Variants in IKBKB observed in about 807,000 individuals in gnomAD.
The protein encoded by IKBKB is inhibitor of nuclear factor kappa B kinase subunit beta.
Under a neutral mutation model 113.6 loss-of-function variants are expected in IKBKB, and 42 were observed. The observed-to-expected ratio is 0.37, with a 90% confidence interval of 0.29 to 0.48. IKBKB has a LOEUF of 0.48. Among genes scored for constraint, IKBKB ranks in the 20% least tolerant of loss-of-function variants. The pLI is 0.99. For missense variants in IKBKB, 673 were observed against 939.7 expected (o/e 0.72, Z 3.71); for synonymous variants, 296 against 361.3 (o/e 0.82, Z 2.05).
At chr8:42,325,126 A>C in intron 19 of IKBKB, 3 of 644,930 alleles carry the variant, frequency 4.7e-6, no homozygotes, top group Non-Finnish European at 3.9e-6. Context: ...CATGCAGGGC[A>C]GAGATCAGCA....
rs200048037 is a variant in IKBKB at position 42,290,202 on chromosome 8, A to G, written c.247A>G (p.Met83Val). The change falls in exon 4 of 22, where the codon ATG (methionine) becomes GTG (valine). Residue 83 changes from methionine (M) to valine (V), a missense_variant. By Grantham distance (21) the Met-to-Val change is conservative. Coordinates refer to ENST00000520810, the MANE Select transcript of IKBKB (RefSeq NM_001556.3). ...VVAARDVPEG[M>V]QNLAPNDLPL... ...GGCTGCCCGAGATGTCCCTGAGGGG[A>G]TGCAGAACTTGGCGCCCAATGACCT... 89 of 1,613,798 alleles carry G rather than the reference A, an allele frequency of 5.5e-5. No individual in the cohort carries two copies. The East Asian group carries it at 1.9e-3, about 34-fold the overall frequency.
intron 21 of IKBKB, chr8:42,329,423 A>G (rs559497902): frequency 2.1e-6 from 2 of 938,484 alleles, no homozygotes; most frequent in African/African-American, 1.8e-5. Flanking sequence ...CCCGGGTTCA[A>G]GTGATTCTCA....
At chr8:42,305,572 GACTTTTTGTTTTCCATTTGCTTT>G (rs1816343914) in intron 6 of IKBKB, among the ~76,000 whole-genome samples, 1 of 150,346 alleles carries the variant, frequency 6.7e-6, no homozygotes, top group African/African-American at 2.5e-5. Context: ...CTTGGAAGTC[GACTTTTTGTTTTCCATTTGCTTT>G]AAGAGCCTCG....
At chr8:42,322,619 C>G in intron 19 of IKBKB, 125 bp downstream of exon 19, 2 of 946,726 alleles carry the variant, frequency 2.1e-6, no homozygotes, top group Non-Finnish European at 3.2e-6. Flanking sequence ...AGCTGCTGCT[C>G]GGGCTTCACG....
chr8:42,293,542 G>A (rs1198988956), intron 5 of IKBKB, 30 bp downstream of exon 5: 1 of 1,614,110 alleles, frequency 6.2e-7, no homozygotes, highest in Admixed American at 1.7e-5. Flanking sequence ...TTCAGGCCGT[G>A]TCCTTCAGGG....
In IKBKB at chr8:42,274,795, C is replaced by G. The variant is rs866294721; in HGVS notation, c.105+2590C>G. Among the ~76,000 whole-genome samples the G allele has an allele frequency of 5.6e-4, 48 of 85,072 alleles. 9 individuals carry two copies. The East Asian group carries it at 8.2e-3, about 14-fold the overall frequency. 55.8% of individuals were successfully genotyped at this position (85,072 alleles called of 152,430 possible). On this transcript the variant is annotated intron_variant, in intron 2 of 21. Coordinates refer to ENST00000520810, the MANE Select transcript of IKBKB (RefSeq NM_001556.3). Reference sequence around the variant, plus strand: ...TGATCCCCGCCGGCGCGCCCCCCCCCCCCCCCGCCATCCCAGCCTCCCAAA... The same window carrying G: ...TGATCCCCGCCGGCGCGCCCCCCCCGCCCCCCGCCATCCCAGCCTCCCAAA...
At chr8:42,317,151 A>C (rs979917743) in intron 11 of IKBKB, 1 of 558,230 alleles carries the variant, frequency 1.8e-6, no homozygotes, top group African/African-American at 1.9e-5. Context: ...ATTGCAAAAA[A>C]TGATGCTATA....
At chr8:42,324,124 CAG>C (rs1347514432) in intron 19 of IKBKB, among the ~76,000 whole-genome samples, 1 of 152,192 alleles carries the variant, frequency 6.6e-6, no homozygotes, top group Non-Finnish European at 1.5e-5. Context: ...TGTTCCAGGA[CAG>C]AGACACTGCT....
intron 9 of IKBKB, among the ~76,000 whole-genome samples, chr8:42,314,969 C>T (rs1373471746): frequency 6.6e-6 from 1 of 152,110 alleles, no homozygotes; most frequent in Non-Finnish European, 1.5e-5. Flanking sequence ...TTTATCTATA[C>T]CTCTTATTAC....
intron 6 of IKBKB, 33 bp from the exon 7 acceptor site, chr8:42,306,310 T>C (rs200517732): frequency 3.7e-6 from 5 of 1,335,902 alleles, no homozygotes; most frequent in South Asian, 1.2e-5. Context: ...TGTGTTCTTA[T>C]AACCCTCAGC....
intron 8 of IKBKB, among the ~76,000 whole-genome samples, chr8:42,312,865 T>A (rs751297943): frequency 3.2e-4 from 49 of 152,314 alleles, no homozygotes; most frequent in Non-Finnish European, 4.6e-4. Flanking sequence ...TTTATTTGAA[T>A]TTCCTAGATG....
chr8:42,297,603 A>G (rs1031244796), intron 5 of IKBKB, among the ~76,000 whole-genome samples: 3 of 152,220 alleles, frequency 2.0e-5, no homozygotes, highest in Non-Finnish European at 4.4e-5. Flanking sequence ...CCTGTGAGAA[A>G]TGAGCAGATG....
At chr8:42,317,164 A>G (rs958906769) in intron 11 of IKBKB, 2 of 507,116 alleles carry the variant, frequency 3.9e-6, no homozygotes, top group African/African-American at 4.0e-5. Flanking sequence ...ATGCTATAAC[A>G]CTCGAATCTC....
At chr8:42,287,318 A>G (rs1314948878) in intron 2 of IKBKB, among the ~76,000 whole-genome samples, 3 of 152,264 alleles carry the variant, frequency 2.0e-5, no homozygotes, top group South Asian at 2.1e-4. Flanking sequence ...GTTAAAGCCC[A>G]TGAAGATGGA....
chr8:42,288,424 T>G (rs1585590566), intron 2 of IKBKB, among the ~76,000 whole-genome samples: 1 of 146,788 alleles, frequency 6.8e-6, no homozygotes. Context: ...GAAATGAGGC[T>G]GGAGAGGTTG....
intron 1 of IKBKB, 28 bp from the exon 2 acceptor site, chr8:42,272,054 CT>C: frequency 6.3e-7 from 1 of 1,592,036 alleles, no homozygotes; most frequent in South Asian, 1.1e-5. Context: ...TAATCCTAAC[CT>C]TTTTTCCCCA....
intron 20 of IKBKB, chr8:42,326,379 T>C (rs1382589589): frequency 8.4e-6 from 3 of 355,292 alleles, no homozygotes; most frequent in South Asian, 3.0e-5. Context: ...CCTTTATCCA[T>C]AGGAAGCCAC....
chr8:42,309,326 C>T lies in IKBKB; in HGVS notation c.692+301C>T, dbSNP rs994316153. On this transcript the variant is annotated intron_variant, in intron 8 of 21. Coordinates refer to ENST00000520810, the MANE Select transcript of IKBKB (RefSeq NM_001556.3). ...GAAGTAAGACTATTGTATGAATATACGCACTTACACTGAGAATGCTGTGTG... is the reference window on the plus strand; with the variant it reads ...GAAGTAAGACTATTGTATGAATATATGCACTTACACTGAGAATGCTGTGTG... The T allele has an allele frequency of 6.9e-5, 30 of 435,492 alleles. 1 individual carries two copies. The highest frequency in any genetic ancestry group is 5.8e-4 in the South Asian group (24 of 41,724). The allele number at this position is 435,492 out of a possible 1,614,324, so 27.0% of individuals were successfully genotyped here.
intron 15 of IKBKB, 37 bp downstream of exon 15, chr8:42,319,683 G>T (rs1438556924): frequency 2.0e-6 from 3 of 1,525,864 alleles, no homozygotes; most frequent in South Asian, 1.2e-5. Context: ...ACTTACCAAG[G>T]GGGTGAGATT....
Sources: allele counts gnomAD v4.1 joint callset (sites outside exome capture counted in the v4.1 genomes callset), GRCh38; gene constraint gnomAD v4.1.1; transcripts MANE v1.5; gene names NCBI Gene and HGNC (gene_info 2026-07-23, HGNC 2026-07-21).